Variants in REDIC1 observed in about 807,000 individuals in gnomAD.
REDIC1 encodes regulator of DNA class I crossover intermediates 1, also known as HEI10 Interacting Protein 1.
chr12:39,646,534 AT>A, the REDIC1 span: 3 of 1,384,080 alleles, frequency 2.2e-6, no homozygotes, highest in Non-Finnish European at 2.9e-6. Context: ...TCACTCGAAA[AT>A]GTATAAAATA....
At chr12:39,633,181 T>G in the REDIC1 span, among the ~76,000 whole-genome samples, 1 of 152,112 alleles carries the variant, frequency 6.6e-6, no homozygotes, top group African/African-American at 2.4e-5. Flanking sequence ...TAATAACACT[T>G]TGCTTAAAAC....
the REDIC1 span, among the ~76,000 whole-genome samples, chr12:39,764,182 A>G: frequency 6.6e-6 from 1 of 151,610 alleles, no homozygotes; most frequent in African/African-American, 2.4e-5. Context: ...AAAGACTTCC[A>G]CCTGGGGAGA....
chr12:39,764,132 T>G, the REDIC1 span, among the ~76,000 whole-genome samples: 2 of 152,072 alleles, frequency 1.3e-5, no homozygotes, highest in South Asian at 2.1e-4. Flanking sequence ...TTTCTGTTTT[T>G]TTTTTTTGTT....
the REDIC1 span, among the ~76,000 whole-genome samples, chr12:39,698,499 A>G: frequency 2.0e-5 from 3 of 152,330 alleles, no homozygotes; most frequent in African/African-American, 7.2e-5. Flanking sequence ...AAATGGACCT[A>G]AAAGATATTT....
the REDIC1 span, among the ~76,000 whole-genome samples, chr12:39,710,833 T>A: frequency 6.6e-6 from 1 of 151,766 alleles, no homozygotes; most frequent in Admixed American, 6.6e-5. Flanking sequence ...GTGTCTCTAA[T>A]AACTATCACA....
At chr12:39,856,208 C>T in the REDIC1 span, among the ~76,000 whole-genome samples, 6 of 152,082 alleles carry the variant, frequency 3.9e-5, no homozygotes, top group Admixed American at 1.3e-4. Flanking sequence ...CTTCTCTTAT[C>T]AATAGCAACC....
chr12:39,741,256 T>A, the REDIC1 span, among the ~76,000 whole-genome samples: 2 of 152,234 alleles, frequency 1.3e-5, no homozygotes, highest in Non-Finnish European at 2.9e-5. Flanking sequence ...ACATCTGTAT[T>A]ATTATGTTAT....
At chr12:39,636,195 A>C in the REDIC1 span, among the ~76,000 whole-genome samples, 1 of 152,146 alleles carries the variant, frequency 6.6e-6, no homozygotes, top group Non-Finnish European at 1.5e-5. Context: ...TAGCTGTGGA[A>C]CAGTGTTTTC....
the REDIC1 span, among the ~76,000 whole-genome samples, chr12:39,809,236 T>C: frequency 4.7e-4 from 71 of 152,288 alleles, no homozygotes; most frequent in East Asian, 0.013. Flanking sequence ...CATATATGGA[T>C]CTATTTCTGG....
the REDIC1 span, among the ~76,000 whole-genome samples, chr12:39,846,844 T>C: frequency 4.0e-5 from 6 of 151,856 alleles, no homozygotes; most frequent in Non-Finnish European, 7.4e-5. Context: ...AGAGAATCCA[T>C]GCAAAGCTCT....
At chr12:39,709,061 G>A in the REDIC1 span, among the ~76,000 whole-genome samples, 3 of 151,816 alleles carry the variant, frequency 2.0e-5, no homozygotes, top group African/African-American at 7.2e-5. Context: ...ATACCTTTAA[G>A]CACTTTCCCG....
the REDIC1 span, among the ~76,000 whole-genome samples, chr12:39,656,925 G>C: frequency 3.3e-5 from 5 of 152,124 alleles, no homozygotes; most frequent in African/African-American, 1.2e-4. Flanking sequence ...TATTACAATA[G>C]AGTCAAAAAG....
At chr12:39,703,707 G>A in the REDIC1 span, among the ~76,000 whole-genome samples, 1 of 152,200 alleles carries the variant, frequency 6.6e-6, no homozygotes, top group Non-Finnish European at 1.5e-5. Flanking sequence ...CACCAAGACA[G>A]CATGGTACTG....
chr12:39,667,554 G>C, the REDIC1 span, among the ~76,000 whole-genome samples: 6 of 152,216 alleles, frequency 3.9e-5, no homozygotes, highest in African/African-American at 1.4e-4. Context: ...TTGATTTGGG[G>C]TGGAGAGTTC....
chr12:39,664,970 T>C, the REDIC1 span, among the ~76,000 whole-genome samples: 1 of 152,250 alleles, frequency 6.6e-6, no homozygotes, highest in Admixed American at 6.5e-5. Context: ...TTCTGGATAT[T>C]AGCCATTTGT....
chr12:39,697,712 G>T, the REDIC1 span, among the ~76,000 whole-genome samples: 1 of 152,092 alleles, frequency 6.6e-6, no homozygotes, highest in African/African-American at 2.4e-5. Flanking sequence ...TTCTAAGATT[G>T]TATTTCCAAG....
At chr12:39,705,831 A>G in the REDIC1 span, among the ~76,000 whole-genome samples, 12 of 152,134 alleles carry the variant, frequency 7.9e-5, no homozygotes, top group Admixed American at 5.9e-4. Context: ...ACAGCCATGT[A>G]TGACAGACCC....
the REDIC1 span, among the ~76,000 whole-genome samples, chr12:39,806,472 A>G: frequency 1.3e-5 from 2 of 152,190 alleles, no homozygotes; most frequent in Non-Finnish European, 2.9e-5. Context: ...CTGGGATCCA[A>G]TTAGAAGTCA....
At chr12:39,681,547 A>C in the REDIC1 span, among the ~76,000 whole-genome samples, 1 of 152,220 alleles carries the variant, frequency 6.6e-6, no homozygotes, top group Non-Finnish European at 1.5e-5. Flanking sequence ...TATGTAGAGT[A>C]ACAGATATTT....
Sources: allele counts gnomAD v4.1 joint callset (sites outside exome capture counted in the v4.1 genomes callset), GRCh38; gene constraint gnomAD v4.1.1; transcripts MANE v1.5; gene names NCBI Gene and HGNC (gene_info 2026-07-23, HGNC 2026-07-21).